Variants in ADAMTSL3 observed in about 807,000 individuals in gnomAD.
The protein encoded by ADAMTSL3 is ADAMTS like 3.
In ADAMTSL3, 128 loss-of-function variants were observed where a neutral mutation model predicts 201.7. That is an observed-to-expected ratio of 0.63 (90% confidence interval 0.55 to 0.73). The LOEUF is 0.73. ADAMTSL3 is among the 30% of genes least tolerant of loss of function. The probability of loss-of-function intolerance (pLI) is 0.00; values close to 1 mark genes in which losing one functional copy is unlikely to be tolerated. For missense variants in ADAMTSL3, 1,990 were observed against 2,119.6 expected (o/e 0.94, Z 1.20); for synonymous variants, 738 against 748.4 (o/e 0.99, Z 0.23).
intron 28 of ADAMTSL3, 64 bp from the exon 29 acceptor site, chr15:84,036,709 C>G: frequency 7.3e-7 from 1 of 1,364,394 alleles, no homozygotes; most frequent in Non-Finnish European, 1.0e-6. Flanking sequence ...TTGGTCCCAG[C>G]AAAAAGTTAC....
intron 23 of ADAMTSL3, among the ~76,000 whole-genome samples, chr15:84,008,014 C>G (rs1193944444): frequency 6.6e-6 from 1 of 152,160 alleles, no homozygotes; most frequent in African/African-American, 2.4e-5. Flanking sequence ...GAATCCACTC[C>G]AACCAAACAT....
Position 83,947,621 on chromosome 15 carries a change from T to G in ADAMTSL3, c.2490+4539T>G, listed in dbSNP as rs775126929. Among the ~76,000 whole-genome samples, 7 of 152,316 alleles carry G rather than the reference T, an allele frequency of 4.6e-5. 2 individuals are homozygous for G. In the Middle Eastern group the frequency reaches 0.02, roughly 444 times the overall value. On this transcript the variant is annotated intron_variant, in intron 19 of 29. Coordinates refer to ENST00000286744, the MANE Select transcript of ADAMTSL3 (RefSeq NM_207517.3). ...TCTGTACTTTGATGGAACATTTGAT[T>G]ATTTTGTTTATCTTCACCTTTTTCC...
At chr15:83,914,756 G>T (rs770654386) in intron 16 of ADAMTSL3, among the ~76,000 whole-genome samples, 4 of 152,182 alleles carry the variant, frequency 2.6e-5, no homozygotes, top group African/African-American at 9.7e-5. Flanking sequence ...ACACTGCCTT[G>T]TGTCTGTTCT....
At chr15:84,032,199 T>G (rs2068422002) in intron 28 of ADAMTSL3, among the ~76,000 whole-genome samples, 1 of 152,212 alleles carries the variant, frequency 6.6e-6, no homozygotes. Flanking sequence ...TTAGAAAGTT[T>G]TAATGATTTA....
intron 5 of ADAMTSL3, among the ~76,000 whole-genome samples, chr15:83,812,017 C>T (rs1465833345): frequency 6.6e-6 from 1 of 152,164 alleles, no homozygotes; most frequent in African/African-American, 2.4e-5. Context: ...CATTCCTGCA[C>T]AGGAGAGATT....
intron 5 of ADAMTSL3, among the ~76,000 whole-genome samples, chr15:83,809,220 A>G (rs2063653999): frequency 6.6e-6 from 1 of 152,218 alleles, no homozygotes; most frequent in South Asian, 2.1e-4. Flanking sequence ...TATAATGTAT[A>G]CATGTATTGA....
chr15:83,835,717 A>T (rs1005399628), intron 6 of ADAMTSL3, among the ~76,000 whole-genome samples: 1 of 152,224 alleles, frequency 6.6e-6, no homozygotes, highest in Non-Finnish European at 1.5e-5. Context: ...TCATTGATTG[A>T]ATCTTGACCA....
intron 17 of ADAMTSL3, among the ~76,000 whole-genome samples, chr15:83,935,824 C>CA (rs2066450605): frequency 6.6e-6 from 1 of 151,960 alleles, no homozygotes; most frequent in Non-Finnish European, 1.5e-5. Flanking sequence ...CAGCAGGTGT[C>CA]AACAAAGTAG....
chr15:84,024,529 T>A (rs2068266909), intron 26 of ADAMTSL3, among the ~76,000 whole-genome samples: 1 of 152,230 alleles, frequency 6.6e-6, no homozygotes, highest in African/African-American at 2.4e-5. Context: ...GAAGACGGAA[T>A]TCTTTTTCCA....
intron 15 of ADAMTSL3, among the ~76,000 whole-genome samples, chr15:83,908,565 CTGAT>C (rs2065880452): frequency 6.6e-6 from 1 of 152,178 alleles, no homozygotes; most frequent in Non-Finnish European, 1.5e-5. Flanking sequence ...TCATAGGACT[CTGAT>C]TCTGTCTCTC....
chr15:83,733,722 CTT>C (rs141542627), intron 3 of ADAMTSL3, among the ~76,000 whole-genome samples: 8,229 of 152,224 alleles, frequency 0.054, 383 homozygotes, highest in Admixed American at 0.15. Context: ...AGGGAAATGA[CTT>C]TATTTAAAAA....
At chr15:84,005,494 T>C (rs554383153) in intron 23 of ADAMTSL3, among the ~76,000 whole-genome samples, 1 of 152,292 alleles carries the variant, frequency 6.6e-6, no homozygotes, top group East Asian at 1.9e-4. Flanking sequence ...ACTTTCTTCT[T>C]CAAGGAACTA....
At chr15:84,017,170 T>G (rs1567304752) in intron 25 of ADAMTSL3, among the ~76,000 whole-genome samples, 1 of 152,176 alleles carries the variant, frequency 6.6e-6, no homozygotes, top group Non-Finnish European at 1.5e-5. Context: ...CAGGCTGGAG[T>G]GCAGTGGCGT....
chr15:83,763,056 T>G (rs541620151), intron 3 of ADAMTSL3, among the ~76,000 whole-genome samples: 140 of 152,252 alleles, frequency 9.2e-4, no homozygotes, highest in Non-Finnish European at 1.8e-3. Context: ...TTGACTAATT[T>G]TTGTATTTTT....
chr15:83,686,089 A>C (rs1412205822), intron 2 of ADAMTSL3, among the ~76,000 whole-genome samples: 2 of 152,108 alleles, frequency 1.3e-5, no homozygotes, highest in African/African-American at 4.8e-5. Flanking sequence ...TCTCTTTTAC[A>C]ACCTGTCACA....
chr15:84,031,198 T>G, intron 27 of ADAMTSL3, 137 bp from the exon 28 acceptor site: 1 of 804,184 alleles, frequency 1.2e-6, no homozygotes, highest in Non-Finnish European at 2.1e-6. Flanking sequence ...TAATCCTCTT[T>G]AACTCCCCCC....
At chr15:83,897,831 C>T (rs781089162) in intron 13 of ADAMTSL3, 27 bp from the exon 14 acceptor site, 45 of 1,555,554 alleles carry the variant, frequency 2.9e-5, no homozygotes, top group Non-Finnish European at 3.6e-5. Flanking sequence ...AAAAGAAATG[C>T]GTTGGCTTCT....
At chr15:83,739,889 A>C in intron 3 of ADAMTSL3, 1 of 593,312 alleles carries the variant, frequency 1.7e-6, no homozygotes, top group South Asian at 1.4e-5. Flanking sequence ...TGACGACCAG[A>C]TGCCAGTGAC....
At chr15:83,784,528 T>G in intron 4 of ADAMTSL3, among the ~76,000 whole-genome samples, 1 of 152,190 alleles carries the variant, frequency 6.6e-6, no homozygotes, top group South Asian at 2.1e-4. Flanking sequence ...ATACTATCAT[T>G]TCAATGGGAA....
Sources: allele counts gnomAD v4.1 joint callset (sites outside exome capture counted in the v4.1 genomes callset), GRCh38; gene constraint gnomAD v4.1.1; transcripts MANE v1.5; gene names NCBI Gene and HGNC (gene_info 2026-07-23, HGNC 2026-07-21).